The following RGS9 variants were observed in gnomAD, a reference collection of about 807,000 sequenced individuals.
The protein encoded by RGS9 is regulator of G-protein signalling 9.
A neutral mutation model predicts 102.0 loss-of-function variants in RGS9; 78 were observed. That is an observed-to-expected ratio of 0.76 (90% confidence interval 0.64 to 0.92). The LOEUF (loss-of-function observed/expected upper bound fraction) is 0.92, where lower values mean the gene tolerates loss of function less well. Ranked by LOEUF, RGS9 falls within the 40% of genes least tolerant of loss-of-function variation. The probability of loss-of-function intolerance (pLI) is 0.00; values close to 1 mark genes in which losing one functional copy is unlikely to be tolerated. For missense variants in RGS9, 833 were observed against 866.1 expected (o/e 0.96, Z 0.48); for synonymous variants, 353 against 318.6 (o/e 1.11, Z -1.15).
intron 17 of RGS9, 108 bp from the exon 18 acceptor site, chr17:65,224,894 G>C: frequency 6.8e-7 from 1 of 1,464,770 alleles, no homozygotes; most frequent in Non-Finnish European, 9.4e-7. Flanking sequence ...TATCAGGCCC[G>C]CACTCTTGTC....
chr17:65,160,618 G>A (rs763894589), intron 5 of RGS9, 31 bp downstream of exon 5: 2 of 1,610,340 alleles, frequency 1.2e-6, no homozygotes, highest in Non-Finnish European at 1.7e-6. Context: ...TATGCCTTTG[G>A]TAGTGCTTAA....
chr17:65,164,630 G>A (rs1911105369), intron 7 of RGS9, among the ~76,000 whole-genome samples: 2 of 152,098 alleles, frequency 1.3e-5, no homozygotes, highest in African/African-American at 4.8e-5. Flanking sequence ...GAGCTGGTCC[G>A]GGAAAAATAG....
At chr17:65,177,188 A>C (rs1191891725) in intron 8 of RGS9, among the ~76,000 whole-genome samples, 1 of 150,348 alleles carries the variant, frequency 6.7e-6, no homozygotes, top group Non-Finnish European at 1.5e-5. Flanking sequence ...CCATCCATCC[A>C]TCCGTTTATT....
chr17:65,208,741 C>T (rs1913170114), intron 16 of RGS9, among the ~76,000 whole-genome samples: 1 of 152,150 alleles, frequency 6.6e-6, no homozygotes, highest in African/African-American at 2.4e-5. Context: ...AAGTGAGTGA[C>T]TGTTCCCCTG....
intron 15 of RGS9, 74 bp downstream of exon 15, chr17:65,204,375 A>G: frequency 6.5e-7 from 1 of 1,548,262 alleles, no homozygotes; most frequent in African/African-American, 1.4e-5. Context: ...AATTCTTTAG[A>G]TATAGGAAAA....
chr17:65,142,842 A>G (rs1016729241), intron 1 of RGS9, among the ~76,000 whole-genome samples: 1 of 152,010 alleles, frequency 6.6e-6, no homozygotes, highest in African/African-American at 2.4e-5. Flanking sequence ...CCTGCCTCCT[A>G]AAGTGCTGGG....
intron 17 of RGS9, among the ~76,000 whole-genome samples, chr17:65,217,578 GT>G (rs1346104159): frequency 6.6e-6 from 1 of 152,222 alleles, no homozygotes; most frequent in Non-Finnish European, 1.5e-5. Context: ...AGAGTGAGCT[GT>G]GTGTGTAGAT....
At chr17:65,150,943 C>T (rs1023131335) in intron 1 of RGS9, among the ~76,000 whole-genome samples, 2 of 152,178 alleles carry the variant, frequency 1.3e-5, no homozygotes, top group African/African-American at 2.4e-5. Flanking sequence ...AACCTCTGCA[C>T]ATGAAGCTTT....
At chr17:65,205,678 TATATG>T in intron 15 of RGS9, among the ~76,000 whole-genome samples, 1 of 151,974 alleles carries the variant, frequency 6.6e-6, no homozygotes, top group East Asian at 1.9e-4. Flanking sequence ...TGAGATAGAT[TATATG>T]ATATGAGTTA....
intron 12 of RGS9, 37 bp from the exon 13 acceptor site, chr17:65,197,089 G>C (rs1379384166): frequency 1.2e-5 from 18 of 1,501,356 alleles, no homozygotes; most frequent in Non-Finnish European, 1.7e-5. Flanking sequence ...TGTCACAACC[G>C]CTACCTCTCT....
rs369576231 is a variant in RGS9 at position 65,204,268 on chromosome 17, C to T, written c.1170C>T (p.Ala390=). 91 of 1,613,692 alleles carry T rather than the reference C, an allele frequency of 5.6e-5. No individual in the cohort carries two copies. The highest frequency in any genetic ancestry group is 6.7e-5 in the Admixed American group (4 of 60,030). Residue 390 remains alanine (A), a synonymous_variant, in exon 15 of 19, where the codon GCC becomes GCT. Coordinates refer to ENST00000262406, the MANE Select transcript of RGS9 (RefSeq NM_003835.4). ...ACCCCCACCGCTATGTGCTGGACGC[C>T]GCACAAACCCACATTTACATGCTCA... ...LKHPHRYVLD[A]AQTHIYMLMK...
intron 1 of RGS9, among the ~76,000 whole-genome samples, chr17:65,139,885 C>A (rs907268590): frequency 6.6e-6 from 1 of 152,202 alleles, no homozygotes; most frequent in Non-Finnish European, 1.5e-5. Context: ...AGAGCCCATG[C>A]CAGGCGATCC....
chr17:65,184,778 T>TTCTTTC (rs1173496963), intron 9 of RGS9, among the ~76,000 whole-genome samples: 1 of 139,912 alleles, frequency 7.1e-6, no homozygotes, highest in Non-Finnish European at 1.5e-5. Context: ...CATTCTTTGT[T>TTCTTTC]TCTTTCTCTT....
intron 1 of RGS9, 82 bp from the exon 2 acceptor site, chr17:65,153,340 C>A: frequency 8.5e-7 from 1 of 1,176,386 alleles, no homozygotes; most frequent in South Asian, 1.2e-5. Context: ...ATTTTGAGGT[C>A]CCTCTCAGTG....
At chr17:65,218,702 C>G (rs1479335582) in intron 17 of RGS9, among the ~76,000 whole-genome samples, 1 of 152,226 alleles carries the variant, frequency 6.6e-6, no homozygotes, top group African/African-American at 2.4e-5. Context: ...CTTTCTTGCT[C>G]ACTCTCTTGC....
intron 9 of RGS9, among the ~76,000 whole-genome samples, chr17:65,184,414 C>T (rs1041024790): frequency 1.3e-5 from 2 of 152,164 alleles, no homozygotes; most frequent in African/African-American, 2.4e-5. Flanking sequence ...TAAATTGTGC[C>T]GCTCACGTGC....
intron 9 of RGS9, among the ~76,000 whole-genome samples, chr17:65,182,105 CTCAG>C (rs1911907300): frequency 6.6e-6 from 1 of 152,216 alleles, no homozygotes; most frequent in African/African-American, 2.4e-5. Context: ...TGCTCAGAAC[CTCAG>C]TCTACACTGG....
At chr17:65,193,479 T>G in intron 11 of RGS9, 64 bp from the exon 12 acceptor site, 2 of 965,830 alleles carry the variant, frequency 2.1e-6, no homozygotes, top group Non-Finnish European at 3.4e-6. Context: ...TCAGTTGACC[T>G]GTGTATTGAT....
At chr17:65,200,101 G>A (rs1260871972) in intron 13 of RGS9, among the ~76,000 whole-genome samples, 8 of 151,650 alleles carry the variant, frequency 5.3e-5, no homozygotes, top group Non-Finnish European at 7.4e-5. Flanking sequence ...GTACCATCTC[G>A]GCTCACTGCA....
Sources: gnomAD v4.1 joint callset for allele counts (sites outside exome capture counted in the v4.1 genomes callset) on GRCh38, gnomAD v4.1.1 for gene constraint, MANE v1.5 for transcripts, NCBI Gene and HGNC (gene_info 2026-07-23, HGNC 2026-07-21) for gene names.